The following WDPCP variants were observed in gnomAD, a reference collection of about 807,000 sequenced individuals.
WDPCP encodes the protein WD repeat-containing and planar cell polarity effector protein fritz homolog.
In WDPCP, 71 loss-of-function variants were observed where a neutral mutation model predicts 93.1. The observed-to-expected ratio is 0.76, with a 90% confidence interval of 0.63 to 0.93. The LOEUF (loss-of-function observed/expected upper bound fraction) is 0.93. Among genes scored for constraint, WDPCP ranks in the 40% least tolerant of loss-of-function variants. WDPCP has a pLI of 0.00. For missense variants in WDPCP, 844 were observed against 887.4 expected, an observed-to-expected ratio of 0.95 and a Z score of 0.62; for synonymous variants, 315 against 315.0, an observed-to-expected ratio of 1.00 and a Z score of 0.00.
chr2:63,385,049 T>G (rs1484426930), intron 10 of WDPCP, among the ~76,000 whole-genome samples: 2 of 151,898 alleles, frequency 1.3e-5, no homozygotes, highest in African/African-American at 4.8e-5. Context: ...ATTTACCTTA[T>G]GATGAGAAAA....
intron 14 of WDPCP, among the ~76,000 whole-genome samples, chr2:63,184,817 T>C (rs1485296356): frequency 6.6e-6 from 1 of 152,196 alleles, no homozygotes; most frequent in African/African-American, 2.4e-5. Flanking sequence ...TTTCAAAACT[T>C]TGTTTTTTCT....
chr2:63,527,769 G>C (rs1364939385), intron 1 of WDPCP, among the ~76,000 whole-genome samples: 1 of 151,986 alleles, frequency 6.6e-6, no homozygotes, highest in South Asian at 2.1e-4. Flanking sequence ...GGTATTTCTA[G>C]TTCTAGATCC....
At chr2:63,336,303 T>G (rs1688361027) in intron 12 of WDPCP, among the ~76,000 whole-genome samples, 1 of 152,192 alleles carries the variant, frequency 6.6e-6, no homozygotes, top group Non-Finnish European at 1.5e-5. Context: ...ATCATGTCAT[T>G]TGCAAATATA....
chr2:63,573,340 G>A (rs1238358318), intron 1 of WDPCP, among the ~76,000 whole-genome samples: 2 of 152,120 alleles, frequency 1.3e-5, no homozygotes, highest in Admixed American at 1.3e-4. Context: ...CTGAACGGAG[G>A]GACCGGCTGA....
intron 12 of WDPCP, among the ~76,000 whole-genome samples, chr2:63,373,262 T>A (rs1691561946): frequency 6.6e-6 from 1 of 150,910 alleles, no homozygotes; most frequent in Non-Finnish European, 1.5e-5. Context: ...TTGTTTTTTT[T>A]TTTCTTTTAA....
chr2:63,128,667 A>G (rs1039070829), intron 17 of WDPCP, among the ~76,000 whole-genome samples: 2 of 152,022 alleles, frequency 1.3e-5, no homozygotes, highest in African/African-American at 4.8e-5. Context: ...GCCTCTGATA[A>G]CCACTGTTCT....
chr2:63,430,654 C>T (rs568510386), intron 9 of WDPCP, among the ~76,000 whole-genome samples: 17 of 152,238 alleles, frequency 1.1e-4, no homozygotes, highest in Admixed American at 3.3e-4. Flanking sequence ...GAGGCCGAGG[C>T]GGGCAGATCA....
At chr2:63,631,675 T>G (rs1709866384) in intron 3 of WDPCP, among the ~76,000 whole-genome samples, 1 of 152,198 alleles carries the variant, frequency 6.6e-6, no homozygotes, top group South Asian at 2.1e-4. Flanking sequence ...CAGAAAAGAT[T>G]GCTAAGGAGA....
At chr2:63,229,382 T>G (rs1476815838) in intron 14 of WDPCP, 2 of 152,192 alleles carry the variant, frequency 1.3e-5, no homozygotes, top group Admixed American at 1.3e-4. Flanking sequence ...ATTCTGTAGG[T>G]TGCCTGTCCA....
chr2:63,130,973 AT>A lies in WDPCP; in HGVS notation c.2191-8918del, dbSNP rs376541155. Among the ~76,000 whole-genome samples, 28 of 152,108 alleles carry A rather than the reference AT, an allele frequency of 1.8e-4. 1 individual carries two copies. In the South Asian group the frequency reaches 5.6e-3, roughly 30 times the overall value. ...TCCTAGTCTCTTGTGATGATTTTTC[AT>A]TGAAAGTCTATTTTATCTGATACCA... On this transcript the variant is annotated intron_variant, in intron 17 of 17. Coordinates refer to ENST00000272321, the MANE Select transcript of WDPCP (RefSeq NM_015910.7).
chr2:63,261,705 T>A (rs1681648517), intron 13 of WDPCP, among the ~76,000 whole-genome samples: 3 of 152,178 alleles, frequency 2.0e-5, no homozygotes, highest in Non-Finnish European at 4.4e-5. Flanking sequence ...AATAAAGATT[T>A]ATGGAAATTT....
At chr2:63,207,541 G>T (rs765392219) in intron 14 of WDPCP, among the ~76,000 whole-genome samples, 4 of 152,132 alleles carry the variant, frequency 2.6e-5, no homozygotes, top group African/African-American at 9.7e-5. Flanking sequence ...CAAATAGGTC[G>T]TTTTGGCTCA....
At chr2:63,551,963 T>C (rs1156461729) in intron 1 of WDPCP, among the ~76,000 whole-genome samples, 5 of 146,366 alleles carry the variant, frequency 3.4e-5, no homozygotes, top group African/African-American at 1.0e-4. Flanking sequence ...CATTTTCTTT[T>C]TTTTTTTTTT....
At chr2:63,191,517 T>G (rs1294131860) in intron 14 of WDPCP, among the ~76,000 whole-genome samples, 1 of 152,216 alleles carries the variant, frequency 6.6e-6, no homozygotes, top group Non-Finnish European at 1.5e-5. Context: ...TCAGGCTTTT[T>G]GAAAACTCAG....
chr2:63,490,368 T>C (rs925275673), intron 2 of WDPCP, among the ~76,000 whole-genome samples: 12 of 152,160 alleles, frequency 7.9e-5, no homozygotes, highest in Non-Finnish European at 1.8e-4. Flanking sequence ...AGCATCAGGC[T>C]ACAACTCTCA....
intron 3 of WDPCP, among the ~76,000 whole-genome samples, chr2:63,627,827 C>T (rs770549283): frequency 8.5e-5 from 13 of 152,190 alleles, no homozygotes; most frequent in Non-Finnish European, 1.6e-4. Flanking sequence ...TTCCTGGACG[C>T]CGAACAAGAG....
At chr2:63,664,240 G>A (rs1710259904) in intron 2 of WDPCP, among the ~76,000 whole-genome samples, 1 of 152,182 alleles carries the variant, frequency 6.6e-6, no homozygotes, top group Admixed American at 6.6e-5. Context: ...ACCAATCCTG[G>A]TTAGTTTAAG....
At chr2:63,147,982 A>C (rs537285131) in intron 17 of WDPCP, among the ~76,000 whole-genome samples, 15 of 151,958 alleles carry the variant, frequency 9.9e-5, no homozygotes, top group South Asian at 6.2e-4. Flanking sequence ...AAAAAAAAAA[A>C]AAAAAACTTA....
At chr2:63,638,552 GGCAGAA>G (rs1709946839) in intron 3 of WDPCP, among the ~76,000 whole-genome samples, 1 of 152,164 alleles carries the variant, frequency 6.6e-6, no homozygotes, top group Non-Finnish European at 1.5e-5. Context: ...CACTTTGGAA[GGCAGAA>G]GCAGGAGGAT....
Sources: allele counts gnomAD v4.1 joint callset (sites outside exome capture counted in the v4.1 genomes callset), GRCh38; gene constraint gnomAD v4.1.1; transcripts MANE v1.5; gene names NCBI Gene and HGNC (gene_info 2026-07-23, HGNC 2026-07-21).